The following CSMD1 variants were observed in gnomAD, a reference collection of about 807,000 sequenced individuals.
The protein encoded by CSMD1 is CUB and sushi domain-containing protein 1.
Under a neutral mutation model 417.5 loss-of-function variants are expected in CSMD1, and 213 were observed. That is an observed-to-expected ratio of 0.51 (90% CI 0.46 to 0.57). The LOEUF (loss-of-function observed/expected upper bound fraction) is 0.57, where lower values mean the gene tolerates loss of function less well. Among genes scored for constraint, CSMD1 ranks in the 20% least tolerant of loss-of-function variants. CSMD1 has a pLI of 0.00. For synonymous variants in CSMD1, 2,862 were observed against 1,736.8 expected (o/e 1.65, Z -16.11); for missense variants, 6,923 against 4,529.7 (o/e 1.53, Z -15.17).
chr8:4,705,390 G>C (rs1428145050), intron 1 of CSMD1, among the ~76,000 whole-genome samples: 2 of 152,108 alleles, frequency 1.3e-5, no homozygotes, highest in East Asian at 3.9e-4. Context: ...CGTCTATCAA[G>C]AACATGCATA....
At chr8:3,379,118 GC>G (rs1176032767) in intron 18 of CSMD1, among the ~76,000 whole-genome samples, 2 of 152,154 alleles carry the variant, frequency 1.3e-5, no homozygotes, top group Admixed American at 1.3e-4. Flanking sequence ...CAAACAGAGA[GC>G]CAAATCAAGA....
intron 29 of CSMD1, among the ~76,000 whole-genome samples, chr8:3,215,422 T>C (rs11992709): frequency 0.63 from 95,348 of 151,998 alleles, 30,089 homozygotes; most frequent in Non-Finnish European, 0.64. Context: ...GTACCAGACA[T>C]GGAACTAGGT....
At chr8:4,229,377 C>T (rs1381797357) in intron 3 of CSMD1, among the ~76,000 whole-genome samples, 2 of 152,286 alleles carry the variant, frequency 1.3e-5, no homozygotes, top group South Asian at 2.1e-4. Flanking sequence ...ACAAAGCAGC[C>T]CTAAGATTCT....
intron 1 of CSMD1, among the ~76,000 whole-genome samples, chr8:4,744,186 C>G (rs1032647727): frequency 1.3e-5 from 2 of 151,968 alleles, no homozygotes; most frequent in African/African-American, 2.4e-5. Context: ...AGGCCAAACA[C>G]AGGGACTGAC....
At chr8:3,430,628 G>C (rs555097603) in intron 12 of CSMD1, among the ~76,000 whole-genome samples, 8 of 152,218 alleles carry the variant, frequency 5.3e-5, no homozygotes, top group Non-Finnish European at 1.0e-4. Flanking sequence ...CCAAAATGGT[G>C]AAACCACATC....
intron 23 of CSMD1, among the ~76,000 whole-genome samples, chr8:3,328,315 T>A (rs1036087086): frequency 5.3e-5 from 8 of 152,238 alleles, no homozygotes; most frequent in African/African-American, 1.7e-4. Flanking sequence ...GAGCTCTGCC[T>A]GCCTATATGC....
At chr8:3,633,476 T>A (rs1204193410) in intron 7 of CSMD1, among the ~76,000 whole-genome samples, 1 of 152,228 alleles carries the variant, frequency 6.6e-6, no homozygotes, top group East Asian at 1.9e-4. Context: ...AATACAAGTC[T>A]GTTCCCAATT....
chr8:4,572,683 G>T (rs538748021), intron 2 of CSMD1, among the ~76,000 whole-genome samples: 2 of 152,194 alleles, frequency 1.3e-5, no homozygotes, highest in Admixed American at 6.5e-5. Flanking sequence ...GAGTGAGGAA[G>T]ATCTCCTGGA....
Position 2,951,294 on chromosome 8 carries a change from C to A in CSMD1, c.10040-19G>T. ...GAAGGAACTGTGGGAAGGGGGGAAA[C>A]AGACCAATGTCAGCACACACACAAA... On this transcript the variant is annotated intron_variant, in intron 65 of 69. Transcript: ENST00000635120. 1 of 1,590,174 alleles carries A rather than the reference C, an allele frequency of 6.3e-7. No individual in the cohort carries two copies. Among genetic ancestry groups the A allele is most frequent in the East Asian group, 2.3e-5 (1 of 44,308 alleles).
At chr8:4,606,660 T>C (rs1800885271) in intron 2 of CSMD1, among the ~76,000 whole-genome samples, 1 of 152,194 alleles carries the variant, frequency 6.6e-6, no homozygotes, top group African/African-American at 2.4e-5. Context: ...CCATGATGTG[T>C]TCTATTCACT....
chr8:3,464,441 C>G (rs1188712325), intron 12 of CSMD1, among the ~76,000 whole-genome samples: 1 of 151,980 alleles, frequency 6.6e-6, no homozygotes, highest in Non-Finnish European at 1.5e-5. Flanking sequence ...GACTAACAAT[C>G]AGTTGCTATG....
chr8:3,648,846 G>C (rs771568657), intron 7 of CSMD1, among the ~76,000 whole-genome samples: 3 of 152,172 alleles, frequency 2.0e-5, no homozygotes, highest in Non-Finnish European at 2.9e-5. Context: ...CTTATGTTAT[G>C]TTGTTACCAA....
chr8:4,451,785 G>C (rs149213607), intron 2 of CSMD1, among the ~76,000 whole-genome samples: 191 of 152,066 alleles, frequency 1.3e-3, no homozygotes, highest in African/African-American at 4.2e-3. Flanking sequence ...ATTTGAGCAG[G>C]ATCCACAATG....
chr8:3,852,866 C>T (rs1804012462), intron 5 of CSMD1, among the ~76,000 whole-genome samples: 1 of 152,148 alleles, frequency 6.6e-6, no homozygotes, highest in African/African-American at 2.4e-5. Flanking sequence ...GAATCAATCC[C>T]TCCAGCATCC....
chr8:3,397,690 T>C (rs1040464473), intron 16 of CSMD1, among the ~76,000 whole-genome samples: 16 of 152,324 alleles, frequency 1.1e-4, no homozygotes, highest in African/African-American at 3.1e-4. Flanking sequence ...TCCTTTGACA[T>C]AGTCATGCTG....
rs543728065 is a variant in CSMD1, at chr8:4,439,156, A to G, written c.303-19091T>C. 3.2e-4 allele frequency among the ~76,000 whole-genome samples: 48 copies of G among 152,296 alleles called. 2 individuals carry two copies. Among genetic ancestry groups the G allele is most frequent in the Middle Eastern group, 3.4e-3 (1 of 294 alleles). On this transcript the variant is annotated intron_variant, in intron 2 of 69. Transcript: ENST00000635120. ...ATATCACCTTGTTACTGCTGTGGTA[A>G]AGATTATTTCAATTAAGTAAATGAG... is the stretch of plus-strand genomic sequence containing the variant.
In CSMD1 at chr8:4,266,000, G is replaced by T. The variant is rs1427315896; in HGVS notation, c.415+153953C>A. Among the ~76,000 whole-genome samples the T allele has an allele frequency of 3.8e-5, 4 of 103,910 alleles. 2 individuals carry two copies. The highest frequency in any genetic ancestry group is 5.1e-4 in the East Asian group (2 of 3,884). The allele number at this position is 103,910 out of a possible 152,430, so 68.2% of individuals were successfully genotyped here. A position where few individuals can be genotyped will look rare whatever the true frequency, so the allele number is the denominator to read the frequency against. ...CCTACTTTGTGTGCGTTTGGGCTGTGTAAGTCATCCCAAACCGGCCCACCG... is the reference window on the plus strand; with the variant it reads ...CCTACTTTGTGTGCGTTTGGGCTGTTTAAGTCATCCCAAACCGGCCCACCG... On this transcript the variant is annotated intron_variant, in intron 3 of 69. Coordinates refer to ENST00000635120, the MANE Select transcript of CSMD1 (RefSeq NM_033225.6).
intron 51 of CSMD1, among the ~76,000 whole-genome samples, chr8:3,027,969 G>A (rs1810064600): frequency 6.6e-6 from 1 of 152,200 alleles, no homozygotes; most frequent in South Asian, 2.1e-4. Flanking sequence ...CGGGAACGCT[G>A]AGTTGTGAGC....
At chr8:3,354,780 A>G (rs965004544) in intron 21 of CSMD1, among the ~76,000 whole-genome samples, 1 of 127,154 alleles carries the variant, frequency 7.9e-6, no homozygotes, top group Admixed American at 7.7e-5. Context: ...CAGTTTAGTG[A>G]TATATATATA....
Sources: gnomAD v4.1 joint callset for allele counts (sites outside exome capture counted in the v4.1 genomes callset) on GRCh38, gnomAD v4.1.1 for gene constraint, MANE v1.5 for transcripts, NCBI Gene and HGNC (gene_info 2026-07-23, HGNC 2026-07-21) for gene names.